The following HS3ST4 variants were observed in gnomAD, a reference collection of about 807,000 sequenced individuals.
HS3ST4 encodes heparan sulfate-glucosamine 3-sulfotransferase 4.
Under a neutral mutation model 29.2 loss-of-function variants are expected in HS3ST4, and 17 were observed. The observed-to-expected ratio is 0.58, with a 90% confidence interval of 0.40 to 0.87. The LOEUF (loss-of-function observed/expected upper bound fraction) is 0.87. Ranked by LOEUF, HS3ST4 falls within the 40% of genes least tolerant of loss-of-function variation. HS3ST4 has a pLI of 0.00. For synonymous variants in HS3ST4, 314 were observed against 285.7 expected, an observed-to-expected ratio of 1.10 and a Z score of -1.00; for missense variants, 627 against 634.5, an observed-to-expected ratio of 0.99 and a Z score of 0.13.
intron 1 of HS3ST4, among the ~76,000 whole-genome samples, chr16:25,858,794 A>G (rs1332027214): frequency 2.0e-5 from 3 of 152,194 alleles, no homozygotes; most frequent in East Asian, 3.9e-4. Context: ...TAAATTTTAC[A>G]TAGAGTTCTT....
intron 1 of HS3ST4, among the ~76,000 whole-genome samples, chr16:26,015,163 G>A (rs944058267): frequency 3.9e-5 from 6 of 152,154 alleles, no homozygotes; most frequent in Non-Finnish European, 7.3e-5. Flanking sequence ...CAAGTGTGGG[G>A]GCCCTCAACC....
chr16:26,118,880 C>T (rs1899234600), intron 1 of HS3ST4, among the ~76,000 whole-genome samples: 1 of 152,078 alleles, frequency 6.6e-6, no homozygotes. Flanking sequence ...TGAAAAGGGA[C>T]TTACTTTTTG....
rs189530137 is a variant in HS3ST4, at chr16:26,070,850, G to A, written c.735-64762G>A. ...AACCTGGGACCATTTTTTAAAAAAG[G>A]CATTCCATTGACATTGTTTTTGAGG... On this transcript the variant is annotated intron_variant, in intron 1 of 1. Coordinates refer to ENST00000331351, the MANE Select transcript of HS3ST4 (RefSeq NM_006040.3). Among the ~76,000 whole-genome samples the A allele has an allele frequency of 1.4e-4, 21 of 152,232 alleles. No homozygotes were observed. In the East Asian group the frequency reaches 2.7e-3, roughly 20 times the overall value.
chr16:25,701,013 T>TA (rs1966330748), intron 1 of HS3ST4, among the ~76,000 whole-genome samples: 1 of 152,196 alleles, frequency 6.6e-6, no homozygotes, highest in African/African-American at 2.4e-5. Flanking sequence ...TTGATTGCCT[T>TA]ACGTGATTGA....
intron 1 of HS3ST4, among the ~76,000 whole-genome samples, chr16:25,894,274 C>A (rs1340013052): frequency 6.6e-6 from 1 of 152,108 alleles, no homozygotes; most frequent in African/African-American, 2.4e-5. Flanking sequence ...TTAGTTTAAG[C>A]CTGATTTGGC....
intron 1 of HS3ST4, among the ~76,000 whole-genome samples, chr16:25,706,396 T>TA (rs558162724): frequency 2.5e-4 from 38 of 152,274 alleles, no homozygotes; most frequent in Non-Finnish European, 4.4e-4. Flanking sequence ...AATATATATA[T>TA]TTTTTAATTT....
intron 1 of HS3ST4, among the ~76,000 whole-genome samples, chr16:25,919,566 C>T (rs1968326740): frequency 6.6e-6 from 1 of 152,108 alleles, no homozygotes; most frequent in African/African-American, 2.4e-5. Flanking sequence ...TTGGTGATAT[C>T]ACTTAGGGAG....
chr16:25,771,152 C>T (rs1394187480), intron 1 of HS3ST4, among the ~76,000 whole-genome samples: 2 of 152,126 alleles, frequency 1.3e-5, no homozygotes, highest in Non-Finnish European at 2.9e-5. Context: ...CCCCCACACC[C>T]CAACAGGCTC....
intron 1 of HS3ST4, among the ~76,000 whole-genome samples, chr16:25,852,002 T>G (rs565547989): frequency 1.5e-4 from 23 of 152,318 alleles, no homozygotes; most frequent in African/African-American, 5.3e-4. Context: ...ATGGGTTCTA[T>G]ACCATCTGAT....
chr16:26,062,811 G>A (rs886399939), intron 1 of HS3ST4: 3 of 275,956 alleles, frequency 1.1e-5, no homozygotes, highest in African/African-American at 2.2e-5. Flanking sequence ...CTGTCACCTA[G>A]CACCACTTTG....
intron 1 of HS3ST4, among the ~76,000 whole-genome samples, chr16:25,909,720 GT>G (rs1968216883): frequency 6.6e-6 from 1 of 152,192 alleles, no homozygotes; most frequent in African/African-American, 2.4e-5. Flanking sequence ...CTGCCAACTA[GT>G]CTTTATCGTG....
At chr16:26,059,504 C>T (rs1286135331) in intron 1 of HS3ST4, among the ~76,000 whole-genome samples, 3 of 152,142 alleles carry the variant, frequency 2.0e-5, no homozygotes, top group African/African-American at 7.2e-5. Flanking sequence ...AGGCATCGTA[C>T]AAAAACTTGG....
intron 1 of HS3ST4, among the ~76,000 whole-genome samples, chr16:25,848,609 C>G (rs544359852): frequency 6.6e-6 from 1 of 151,846 alleles, no homozygotes; most frequent in African/African-American, 2.4e-5. Context: ...TAGTTATGCC[C>G]TCTTCATCAT....
intron 1 of HS3ST4, among the ~76,000 whole-genome samples, chr16:25,940,517 C>G (rs1053268150): frequency 3.3e-5 from 5 of 152,240 alleles, no homozygotes; most frequent in African/African-American, 1.2e-4. Flanking sequence ...CAGAATGAAC[C>G]AGAATGTTGG....
chr16:26,136,280 A>C lies in HS3ST4; in HGVS notation c.*32A>C. 1 of 1,577,682 alleles carries C rather than the reference A, an allele frequency of 6.3e-7. No individual in the cohort carries two copies. The highest frequency in any genetic ancestry group is 2.3e-5 in the East Asian group (1 of 44,422). ...AGAGGCAGAGGAAGGCTAGTCAATA[A>C]GCTAAGGAGGCTCCTTGCCTGAGTC... On this transcript the variant is annotated 3_prime_UTR_variant, in exon 2 of 2. Coordinates refer to ENST00000331351, the MANE Select transcript of HS3ST4 (RefSeq NM_006040.3).
At chr16:26,049,581 C>T (rs553588713) in intron 1 of HS3ST4, among the ~76,000 whole-genome samples, 8 of 152,080 alleles carry the variant, frequency 5.3e-5, no homozygotes, top group South Asian at 2.1e-4. Flanking sequence ...TGTGACCCCA[C>T]GTGTGGATTT....
At chr16:25,943,446 G>A (rs1015081991) in intron 1 of HS3ST4, among the ~76,000 whole-genome samples, 1 of 152,136 alleles carries the variant, frequency 6.6e-6, no homozygotes, top group African/African-American at 2.4e-5. Flanking sequence ...AAGGAAGGCA[G>A]AAAAAGTCTC....
chr16:26,080,446 C>T (rs1487174774), intron 1 of HS3ST4, among the ~76,000 whole-genome samples: 3 of 152,106 alleles, frequency 2.0e-5, no homozygotes, highest in Admixed American at 6.5e-5. Context: ...CCCCTGAAAG[C>T]AGCCCCTGAA....
intron 1 of HS3ST4, among the ~76,000 whole-genome samples, chr16:25,903,929 T>A (rs1269038012): frequency 6.6e-6 from 1 of 152,218 alleles, no homozygotes; most frequent in Admixed American, 6.5e-5. Context: ...ACCTAAATAG[T>A]TCACCTAAAA....
Sources: gnomAD v4.1 joint callset for allele counts (sites outside exome capture counted in the v4.1 genomes callset) on GRCh38, gnomAD v4.1.1 for gene constraint, MANE v1.5 for transcripts, NCBI Gene and HGNC (gene_info 2026-07-23, HGNC 2026-07-21) for gene names.